TNR: variants seen among roughly 807,000 people sequenced by gnomAD.
TNR encodes the protein tenascin-R.
A neutral mutation model predicts 150.4 loss-of-function variants in TNR; 45 were observed. The observed-to-expected ratio is 0.30, with a 90% CI of 0.24 to 0.38. The LOEUF is 0.38. Among genes scored for constraint, TNR ranks in the 10% least tolerant of loss-of-function variants. TNR has a pLI of 1.00. For missense variants in TNR, 1,544 were observed against 1,759.1 expected (o/e 0.88, Z 2.19); for synonymous variants, 687 against 678.4 (o/e 1.01, Z -0.20).
At chr1:175,359,265 C>A (rs1651480765) in intron 15 of TNR, among the ~76,000 whole-genome samples, 2 of 150,260 alleles carry the variant, frequency 1.3e-5, no homozygotes, top group African/African-American at 4.9e-5. Context: ...CCTGCCTCAG[C>A]CTCCCAAGTA....
rs186242187 is a variant in TNR at position 175,729,281 on chromosome 1, C to G, written c.-165+13945G>C. 3.4e-3 allele frequency among the ~76,000 whole-genome samples: 521 copies of G among 152,242 alleles called. 7 individuals carry two copies. Among genetic ancestry groups the G allele is most frequent in the Middle Eastern group, 0.014 (4 of 294 alleles). On this transcript the variant is annotated intron_variant, in intron 1 of 22. Coordinates refer to ENST00000367674, the MANE Select transcript of TNR (RefSeq NM_003285.3). ...AGGGAAGCATTTTCCTGGAGTGGAG[C>G]CCCTGGCATGGGAGCCTCCCAGCCT...
chr1:175,424,792 A>G (rs1427644376), intron 2 of TNR, among the ~76,000 whole-genome samples: 1 of 152,134 alleles, frequency 6.6e-6, no homozygotes, highest in Non-Finnish European at 1.5e-5. Context: ...CAGAAGCTTC[A>G]AAGTGGGCTG....
At chr1:175,566,142 T>C (rs1661634301) in intron 1 of TNR, among the ~76,000 whole-genome samples, 1 of 152,210 alleles carries the variant, frequency 6.6e-6, no homozygotes, top group African/African-American at 2.4e-5. Flanking sequence ...CTTGGGAACA[T>C]ATCCCTGAAT....
chr1:175,520,845 T>A (rs1659609785), intron 2 of TNR, among the ~76,000 whole-genome samples: 2 of 152,258 alleles, frequency 1.3e-5, no homozygotes, highest in South Asian at 4.1e-4. Flanking sequence ...TCTCGTTTCA[T>A]CCTTATTTCT....
chr1:175,574,922 T>C (rs1264004675), intron 1 of TNR, among the ~76,000 whole-genome samples: 1 of 152,232 alleles, frequency 6.6e-6, no homozygotes, highest in Non-Finnish European at 1.5e-5. Flanking sequence ...TTATGTACTG[T>C]GTCAGCCATT....
intron 1 of TNR, among the ~76,000 whole-genome samples, chr1:175,716,783 G>A (rs536047445): frequency 8.5e-5 from 13 of 152,194 alleles, no homozygotes; most frequent in Non-Finnish European, 5.9e-5. Flanking sequence ...ACTCTAATAC[G>A]TAGCCAGGTG....
chr1:175,638,425 C>A (rs1303072824), intron 1 of TNR, among the ~76,000 whole-genome samples: 1 of 152,202 alleles, frequency 6.6e-6, no homozygotes, highest in Non-Finnish European at 1.5e-5. Flanking sequence ...GCCCCAAAAC[C>A]CATTTGGACT....
intron 2 of TNR, among the ~76,000 whole-genome samples, chr1:175,411,332 T>C (rs999308830): frequency 1.3e-5 from 2 of 152,186 alleles, no homozygotes; most frequent in African/African-American, 4.8e-5. Context: ...CATTGAGGTC[T>C]TCTCTTTCCT....
At position 175,393,817 on chromosome 1, in the gene TNR, A is replaced by G; in HGVS notation, c.1319T>C (p.Phe440Ser). 1 of 1,614,216 alleles carries G rather than the reference A, an allele frequency of 6.2e-7. No homozygotes were observed. Among genetic ancestry groups the G allele is most frequent in the Non-Finnish European group, 8.5e-7 (1 of 1,180,030 alleles). The part of the protein sequence containing the change: ...TVEVQWEPFS[F>S]SFDGWEISFI... ...GCTGATTTCCCACCCATCGAAGGAAAATGAGAAGGGCTCCCACTGCACCTC... is the reference window on the plus strand; with the variant it reads ...GCTGATTTCCCACCCATCGAAGGAAGATGAGAAGGGCTCCCACTGCACCTC... The change falls in exon 6 of 23, where the codon TTT (phenylalanine) becomes TCT (serine). Residue 440 changes from phenylalanine (F) to serine (S), a missense_variant. Phe to Ser is a radical substitution (Grantham distance 155). Transcript: ENST00000367674.
At position 175,519,674 on chromosome 1, in the gene TNR, A is replaced by T. The variant is rs138822975; in HGVS notation, c.-64+8595T>A. Among the ~76,000 whole-genome samples the T allele has an allele frequency of 2.6e-5, 4 of 152,304 alleles. No individual in the cohort carries two copies. The East Asian group carries it at 7.7e-4, about 29-fold the overall frequency. On this transcript the variant is annotated intron_variant, in intron 2 of 22. Coordinates refer to ENST00000367674, the MANE Select transcript of TNR (RefSeq NM_003285.3). ...CATTACCTCTTCTGATGAAGGAGAG[A>T]TAGGTTGCTCTACAGGGGTGCCCTG...
intron 2 of TNR, among the ~76,000 whole-genome samples, chr1:175,419,477 A>ACAT (rs1479810191): frequency 6.6e-6 from 1 of 152,036 alleles, no homozygotes; most frequent in Admixed American, 6.5e-5. Flanking sequence ...GGGATGCAGA[A>ACAT]CATTTCAGGG....
chr1:175,466,282 T>C (rs1295238536), intron 2 of TNR, among the ~76,000 whole-genome samples: 1 of 152,240 alleles, frequency 6.6e-6, no homozygotes, highest in Non-Finnish European at 1.5e-5. Flanking sequence ...TCTCATGTTC[T>C]AGTCATTCTT....
chr1:175,620,697 C>A (rs894819925), intron 1 of TNR, among the ~76,000 whole-genome samples: 1 of 152,166 alleles, frequency 6.6e-6, no homozygotes, highest in Non-Finnish European at 1.5e-5. Context: ...TTTAGTCACA[C>A]CAGTCATGCT....
Position 175,396,920 on chromosome 1 carries a change from G to A in TNR, c.977-113C>T, listed in dbSNP as rs1653455623. On this transcript the variant is annotated intron_variant, in intron 4 of 22. Transcript: ENST00000367674. ...CCATGCCATGTCTATATGTCCTGCTGGGCTCAATGGCTTTAAGTGATTTGT... is the reference window on the plus strand; with the variant it reads ...CCATGCCATGTCTATATGTCCTGCTAGGCTCAATGGCTTTAAGTGATTTGT... The A allele has an allele frequency of 3.6e-6, 5 of 1,373,218 alleles. No individual in the cohort carries two copies. The East Asian group carries it at 1.2e-4, about 32-fold the overall frequency. The allele number at this position is 1,373,218 out of a possible 1,614,324, so 85.1% of individuals were successfully genotyped here. A position where few individuals can be genotyped will look rare whatever the true frequency, so the allele number is the denominator to read the frequency against.
chr1:175,505,663 TTACTC>T (rs1443137204), intron 2 of TNR, among the ~76,000 whole-genome samples: 1 of 152,236 alleles, frequency 6.6e-6, no homozygotes, highest in African/African-American at 2.4e-5. Flanking sequence ...TTTAGACAAA[TTACTC>T]AACCTCTCTG....
At chr1:175,355,276 G>T (rs1216560125) in intron 17 of TNR, among the ~76,000 whole-genome samples, 1 of 152,168 alleles carries the variant, frequency 6.6e-6, no homozygotes, top group Non-Finnish European at 1.5e-5. Context: ...CTCAACTTAC[G>T]TAGAGAGTAG....
chr1:175,716,507 C>A (rs965308731), intron 1 of TNR, among the ~76,000 whole-genome samples: 2 of 152,136 alleles, frequency 1.3e-5, no homozygotes, highest in Non-Finnish European at 2.9e-5. Context: ...AGCTCTTGCC[C>A]AACCCTCTCT....
chr1:175,337,046 C>T (rs923833464), intron 19 of TNR, among the ~76,000 whole-genome samples: 5 of 152,178 alleles, frequency 3.3e-5, no homozygotes, highest in African/African-American at 1.2e-4. Context: ...GCATGTGCCA[C>T]CATGACCAGC....
At chr1:175,562,547 G>A (rs1331661292) in intron 1 of TNR, among the ~76,000 whole-genome samples, 1 of 152,248 alleles carries the variant, frequency 6.6e-6, no homozygotes, top group Middle Eastern at 3.2e-3. Flanking sequence ...TAAATGGAAA[G>A]GTTATGGCTG....
Sources: gnomAD v4.1 joint callset for allele counts (sites outside exome capture counted in the v4.1 genomes callset) on GRCh38, gnomAD v4.1.1 for gene constraint, MANE v1.5 for transcripts, NCBI Gene and HGNC (gene_info 2026-07-23, HGNC 2026-07-21) for gene names.